Variants in EDNRB observed in about 807,000 individuals in gnomAD.
The protein encoded by EDNRB is Hirschsprung disease 2.
EDNRB carries 18 observed loss-of-function variants against 46.4 expected under a neutral mutation model. The ratio of observed to expected loss-of-function variants is 0.39; its 90% CI spans 0.27 to 0.57. The LOEUF (loss-of-function observed/expected upper bound fraction) is 0.57. EDNRB is among the 20% of genes least tolerant of loss of function. The pLI is 0.61. For missense variants in EDNRB, 434 were observed against 537.5 expected, an observed-to-expected ratio of 0.81 and a Z score of 1.90; for synonymous variants, 213 against 204.9, an observed-to-expected ratio of 1.04 and a Z score of -0.34.
chr13:77,916,368 A>G (rs1879805165), intron 1 of EDNRB, among the ~76,000 whole-genome samples: 1 of 152,238 alleles, frequency 6.6e-6, no homozygotes. Context: ...CGCCTTAAGA[A>G]GTAAAAGGGT....
At chr13:77,934,777 A>G (rs1179814523) in intron 1 of EDNRB, among the ~76,000 whole-genome samples, 1 of 152,030 alleles carries the variant, frequency 6.6e-6, no homozygotes, top group African/African-American at 2.4e-5. Flanking sequence ...GATGGAAAGG[A>G]AATGAGAGGT....
In EDNRB at chr13:77,918,031, C is replaced by T; in HGVS notation, c.483+60G>A. The T allele has an allele frequency of 2.5e-6, 4 of 1,612,216 alleles. No individual in the cohort carries two copies. The highest frequency in any genetic ancestry group is 2.5e-6 in the Non-Finnish European group (3 of 1,179,874). ...CTCCCTCTACAAGCTTTCTCATCTC[C>T]CCGTCTCCAACCAGGCCCCCTTCCT... On this transcript the variant is annotated intron_variant, in intron 1 of 6. Coordinates refer to ENST00000646607, the MANE Select transcript of EDNRB (RefSeq NM_001122659.3). The surrounding 1 kb of genome is among the most constrained non-coding windows in gnomAD (Gnocchi z 4.5).
At chr13:77,920,615 G>A (rs1880057533), upstream of EDNRB, among the ~76,000 whole-genome samples, 1 of 152,122 alleles carries the variant, frequency 6.6e-6, no homozygotes, top group Non-Finnish European at 1.5e-5. Flanking sequence ...TATTTAAAAA[G>A]GTGAACTTTA....
rs1017912924 is a variant in EDNRB, at chr13:77,951,296, A to T, written c.-52+24051T>A. Among the ~76,000 whole-genome samples the T allele has an allele frequency of 3.9e-5, 6 of 152,264 alleles. No individual in the cohort carries two copies. The East Asian group carries it at 1.2e-3, about 29-fold the overall frequency. The stretch of plus-strand genomic sequence containing the variant: ...TTTTGTTTTTTCAGTTTGCAAAATG[A>T]AACAAAACAGCAAGGAGAAAAGTCC... On this transcript the variant is annotated intron_variant, in intron 1 of 7. Transcript: ENST00000646948.
chr13:77,907,760 G>A (rs1225856150), intron 1 of EDNRB, among the ~76,000 whole-genome samples: 1 of 151,896 alleles, frequency 6.6e-6, no homozygotes, highest in African/African-American at 2.4e-5. Context: ...TCTGGCTGAT[G>A]AAAATGAGCT....
chr13:77,903,378 A>G lies in EDNRB; in HGVS notation c.597-18T>C. The G allele has an allele frequency of 6.2e-7, 1 of 1,612,788 alleles. No individual in the cohort carries two copies. The highest frequency in any genetic ancestry group is 2.2e-5 in the East Asian group (1 of 44,822). The stretch of plus-strand genomic sequence containing the variant: ...CTCGATATCTGAAGATAAAAATAGA[A>G]TTGTATTTTAAGCTGGCATACCTTA... On this transcript the variant is annotated intron_variant, in intron 2 of 6. Transcript: ENST00000646607.
rs201625400 is a variant in EDNRB at position 77,903,235 on chromosome 13, T to G, written c.722A>C (p.Asp241Ala). 8 of 1,613,048 alleles carry G rather than the reference T, an allele frequency of 5.0e-6. No individual in the cohort carries two copies. The highest frequency in any genetic ancestry group is 6.8e-6 in the Non-Finnish European group (8 of 1,179,390). Residue 241 changes from aspartate (D) to alanine (A), a missense_variant, in exon 3 of 7, where the codon GAT (aspartate) becomes GCT (alanine). Coordinates refer to ENST00000646607, the MANE Select transcript of EDNRB (RefSeq NM_001122659.3). ...VLAVPEAIGF[D>A]IITMDYKGSY... ...TCCTTTGTAGTCCATCGTAATTATA[T>G]CAAAACCTATGGCTTCAGGGACAGC... is the stretch of plus-strand genomic sequence containing the variant.
intron 1 of EDNRB, among the ~76,000 whole-genome samples, chr13:77,934,677 A>T (rs1400690417): frequency 2.0e-4 from 14 of 71,152 alleles, no homozygotes; most frequent in Non-Finnish European, 2.4e-4. Flanking sequence ...GATGTGTAGG[A>T]AAGGGGGGGG....
chr13:77,899,656 A>C (rs1878830362), intron 6 of EDNRB: 1 of 518,592 alleles, frequency 1.9e-6, no homozygotes, highest in Admixed American at 3.2e-5. Flanking sequence ...GGCAGTAGGG[A>C]GTGGCTGACT....
At chr13:77,971,584 T>A (rs1249258496) in intron 1 of EDNRB, among the ~76,000 whole-genome samples, 1 of 72,818 alleles carries the variant, frequency 1.4e-5, no homozygotes, top group Non-Finnish European at 2.3e-5. Context: ...CCAACATGAG[T>A]TTTTTTTTTT....
intron 1 of EDNRB, among the ~76,000 whole-genome samples, chr13:77,926,738 C>T (rs1213814042): frequency 6.6e-6 from 1 of 152,100 alleles, no homozygotes; most frequent in African/African-American, 2.4e-5. Context: ...TCAGCAATGC[C>T]CCACTCTGCT....
At position 77,896,773 on chromosome 13, in the gene EDNRB, T is replaced by C; in HGVS notation, c.*1427A>G. The C allele has an allele frequency of 7.5e-7, 1 of 1,325,032 alleles. No homozygotes were observed. The highest frequency in any genetic ancestry group is 9.6e-7 in the Non-Finnish European group (1 of 1,038,742). 82.1% of individuals were successfully genotyped at this position (1,325,032 alleles called of 1,614,324 possible). A position where few individuals can be genotyped will look rare whatever the true frequency, so the allele number is the denominator to read the frequency against. ...ATGGGTTTCCTCCAACCCCACCTCA[T>C]TTCCTCTCTCTTCCGTTTTCTCTTG... On this transcript the variant is annotated 3_prime_UTR_variant, in exon 7 of 7. Transcript: ENST00000646607.
chr13:77,912,157 G>T (rs990435036), intron 1 of EDNRB, among the ~76,000 whole-genome samples: 43 of 152,060 alleles, frequency 2.8e-4, no homozygotes, highest in African/African-American at 7.5e-4. Context: ...CTTCAATCTT[G>T]AAAGACTCAT....
upstream of EDNRB, among the ~76,000 whole-genome samples, chr13:77,922,168 G>C (rs1391267496): frequency 6.6e-6 from 1 of 150,668 alleles, no homozygotes; most frequent in Non-Finnish European, 1.5e-5. Context: ...TTACAAAGTT[G>C]CTTATTTTAA....
chr13:77,939,961 A>C (rs1566328683), intron 1 of EDNRB: 1 of 151,828 alleles, frequency 6.6e-6, no homozygotes, highest in Admixed American at 6.6e-5. Context: ...GCATCATTGC[A>C]CTCCAGCCTG....
chr13:77,896,494 G>C lies in EDNRB; in HGVS notation c.*1706C>G. ...CCACATTGTTGGGTTTTGGTTTACT[G>C]TACCATCACATTCAATATTGACAGA... On this transcript the variant is annotated 3_prime_UTR_variant, in exon 7 of 7. Coordinates refer to ENST00000646607, the MANE Select transcript of EDNRB (RefSeq NM_001122659.3). 1 of 1,582,194 alleles carries C rather than the reference G, an allele frequency of 6.3e-7. No individual in the cohort carries two copies. The highest frequency in any genetic ancestry group is 8.6e-7 in the Non-Finnish European group (1 of 1,162,286).
In EDNRB at chr13:77,897,764, T is replaced by G; in HGVS notation, c.*436A>C. The G allele has an allele frequency of 1.0e-6, 1 of 986,834 alleles. No homozygotes were observed. The highest frequency in any genetic ancestry group is 1.2e-6 in the Non-Finnish European group (1 of 829,076). 61.1% of individuals were successfully genotyped at this position (986,834 alleles called of 1,614,324 possible). A position where few individuals can be genotyped will look rare whatever the true frequency, so the allele number is the denominator to read the frequency against. On this transcript the variant is annotated 3_prime_UTR_variant, in exon 7 of 7. Coordinates refer to ENST00000646607, the MANE Select transcript of EDNRB (RefSeq NM_001122659.3). ...AGTTGTTTTAAAGGATTTTAAAATT[T>G]TAAATTGAGTAATTTAAGCTTCATT...
Position 77,897,508 on chromosome 13 carries a change from T to TGCCAGACTGTTACATGC in EDNRB, c.*691_*692insGCATGTAACAGTCTGGC, listed in dbSNP as rs1878693953. 2 of 980,268 alleles carry TGCCAGACTGTTACATGC rather than the reference T, an allele frequency of 2.0e-6. No homozygotes were observed. Among genetic ancestry groups the TGCCAGACTGTTACATGC allele is most frequent in the African/African-American group, 3.5e-5 (2 of 57,100 alleles). The allele number at this position is 980,268 out of a possible 1,614,324, so 60.7% of individuals were successfully genotyped here. A position where few individuals can be genotyped will look rare whatever the true frequency, so the allele number is the denominator to read the frequency against. Reference sequence around the variant, plus strand: ...ATATTTTAAATTCAGCTGGCACATGTGCCAGTCTGTTACATGCTGCTTGTT... The same window carrying TGCCAGACTGTTACATGC: ...ATATTTTAAATTCAGCTGGCACATGTGCCAGACTGTTACATGCGCCAGTCTGTTACATGCTGCTTGTT... On this transcript the variant is annotated 3_prime_UTR_variant, in exon 7 of 7. Coordinates refer to ENST00000646607, the MANE Select transcript of EDNRB (RefSeq NM_001122659.3).
At chr13:77,929,133 T>G (rs933544635) in intron 1 of EDNRB, among the ~76,000 whole-genome samples, 1 of 152,184 alleles carries the variant, frequency 6.6e-6, no homozygotes, top group Non-Finnish European at 1.5e-5. Context: ...TGGAAGTGAC[T>G]GACAACAGAA....
Sources: allele counts gnomAD v4.1 joint callset (sites outside exome capture counted in the v4.1 genomes callset), GRCh38; gene constraint gnomAD v4.1.1; non-coding constraint Gnocchi (gnomAD v3.1); transcripts MANE v1.5; gene names NCBI Gene and HGNC (gene_info 2026-07-23, HGNC 2026-07-21).